Variants in WDR7 observed in about 807,000 individuals in gnomAD.
WDR7 encodes WD repeat domain 7.
A neutral mutation model predicts 169.4 loss-of-function variants in WDR7; 46 were observed. That is an observed-to-expected ratio of 0.27 (90% CI 0.21 to 0.35). The LOEUF (loss-of-function observed/expected upper bound fraction) is 0.35. Ranked by LOEUF, WDR7 falls within the 10% of genes least tolerant of loss-of-function variation. The probability of loss-of-function intolerance (pLI) is 1.00; values close to 1 mark genes in which losing one functional copy is unlikely to be tolerated. For synonymous variants in WDR7, 612 were observed against 666.8 expected, an observed-to-expected ratio of 0.92 and a Z score of 1.27; for missense variants, 1,534 against 1,859.3, an observed-to-expected ratio of 0.83 and a Z score of 3.22.
At chr18:56,970,011 T>G (rs2047461145) in intron 26 of WDR7, among the ~76,000 whole-genome samples, 2 of 152,190 alleles carry the variant, frequency 1.3e-5, no homozygotes. Flanking sequence ...ACTCCTGTAC[T>G]TCTTTATTCA....
intron 13 of WDR7, among the ~76,000 whole-genome samples, chr18:56,729,189 A>G (rs554536510): frequency 8.9e-4 from 135 of 152,200 alleles, no homozygotes; most frequent in Non-Finnish European, 1.5e-3. Context: ...TAAGAGCTAG[A>G]GCAGTAAATT....
chr18:56,700,987 A>C (rs1393292907), intron 12 of WDR7, among the ~76,000 whole-genome samples: 1 of 152,216 alleles, frequency 6.6e-6, no homozygotes, highest in African/African-American at 2.4e-5. Context: ...AAAATGTAAG[A>C]AAATTAAAAA....
intron 12 of WDR7, among the ~76,000 whole-genome samples, chr18:56,713,065 T>C (rs2026118494): frequency 6.6e-6 from 1 of 152,156 alleles, no homozygotes; most frequent in Non-Finnish European, 1.5e-5. Flanking sequence ...TTATATTATA[T>C]AGTTCTAAAC....
intron 20 of WDR7, among the ~76,000 whole-genome samples, chr18:56,835,729 T>C (rs1368617691): frequency 2.6e-5 from 4 of 152,242 alleles, no homozygotes; most frequent in South Asian, 2.1e-4. Context: ...TTAAAACTTA[T>C]GTCTTATGTT....
chr18:56,895,599 A>G (rs1431754571), intron 21 of WDR7, among the ~76,000 whole-genome samples: 2 of 151,898 alleles, frequency 1.3e-5, no homozygotes, highest in African/African-American at 2.4e-5. Flanking sequence ...GAAATTGCAT[A>G]GCTAAGAATA....
At chr18:56,961,852 A>C (rs1173488221) in intron 25 of WDR7, among the ~76,000 whole-genome samples, 1 of 152,164 alleles carries the variant, frequency 6.6e-6, no homozygotes, top group Non-Finnish European at 1.5e-5. Context: ...GGAACTTGAC[A>C]GGATAACTTT....
At chr18:56,928,673 T>C (rs939570535) in intron 22 of WDR7, among the ~76,000 whole-genome samples, 5 of 152,192 alleles carry the variant, frequency 3.3e-5, no homozygotes, top group African/African-American at 1.2e-4. Flanking sequence ...GCTTACTACC[T>C]ATGAGCTTCT....
rs149566791 is a variant in WDR7 at position 56,975,652 on chromosome 18, T to C, written c.4164+13123T>C. ...TTTTGATAGTACCATCCCAGAAATA[T>C]TTTTCTTTTTAATTCTACCGTCTGT... On this transcript the variant is annotated intron_variant, in intron 26 of 27. Transcript: ENST00000254442. Among the ~76,000 whole-genome samples the C allele has an allele frequency of 6.6e-5, 10 of 152,224 alleles. No individual in the cohort carries two copies. The East Asian group carries it at 1.9e-3, about 29-fold the overall frequency.
At chr18:56,687,251 C>A (rs2025461449) in intron 7 of WDR7, among the ~76,000 whole-genome samples, 1 of 152,076 alleles carries the variant, frequency 6.6e-6, no homozygotes, top group Non-Finnish European at 1.5e-5. Flanking sequence ...CTTATCAGTA[C>A]AATATAAGCA....
At chr18:56,910,100 C>T (rs2046532772) in intron 21 of WDR7, among the ~76,000 whole-genome samples, 1 of 152,126 alleles carries the variant, frequency 6.6e-6, no homozygotes. Flanking sequence ...TTCCTTCAAA[C>T]TTACATAATA....
chr18:56,894,247 T>A (rs1486789007), intron 21 of WDR7, among the ~76,000 whole-genome samples: 1 of 152,088 alleles, frequency 6.6e-6, no homozygotes, highest in Non-Finnish European at 1.5e-5. Context: ...GTCGTGGTAG[T>A]GATTCTTTAA....
the WDR7 span, chr18:57,035,789 T>G: frequency 6.6e-6 from 1 of 152,230 alleles, no homozygotes; most frequent in East Asian, 1.9e-4. Flanking sequence ...TGCAGAGATC[T>G]TTGGATCTAA....
chr18:56,869,694 TAGG>T (rs2045928046), intron 20 of WDR7, among the ~76,000 whole-genome samples: 1 of 152,164 alleles, frequency 6.6e-6, no homozygotes, highest in East Asian at 1.9e-4. Context: ...ATTTTCTTGA[TAGG>T]AGGCAAAGAA....
At chr18:56,934,346 C>T (rs1441501843) in intron 22 of WDR7, among the ~76,000 whole-genome samples, 2 of 152,136 alleles carry the variant, frequency 1.3e-5, no homozygotes, top group East Asian at 1.9e-4. Flanking sequence ...CTTGCTTTCT[C>T]GCAAAACACC....
chr18:56,933,617 C>T (rs923540988), intron 22 of WDR7, among the ~76,000 whole-genome samples: 1 of 152,198 alleles, frequency 6.6e-6, no homozygotes, highest in African/African-American at 2.4e-5. Flanking sequence ...CATCCAAAGC[C>T]ACTGAGTTTA....
chr18:56,971,153 T>G (rs988416848), intron 26 of WDR7, among the ~76,000 whole-genome samples: 1 of 151,880 alleles, frequency 6.6e-6, no homozygotes, highest in East Asian at 1.9e-4. Flanking sequence ...GTGCCTGTAA[T>G]CCCAGCTACT....
chr18:56,936,111 T>C, intron 23 of WDR7: 1 of 484,148 alleles, frequency 2.1e-6, no homozygotes, highest in Non-Finnish European at 3.6e-6. Flanking sequence ...TCTGCTTCTG[T>C]ATTCATTTCT....
chr18:56,924,118 G>T lies in WDR7; in HGVS notation c.3713+10G>T. 1 of 1,608,946 alleles carries T rather than the reference G, an allele frequency of 6.2e-7. No homozygotes were observed. Among genetic ancestry groups the T allele is most frequent in the South Asian group, 1.1e-5 (1 of 89,242 alleles). ...AGAAACAACTTGCCAAGTATGTGTG[G>T]ATTCCGGTTAATTTAATTTGTCACT... On this transcript the variant is annotated intron_variant, in intron 22 of 27. Transcript: ENST00000254442.
chr18:56,891,103 A>G (rs1448585758), intron 21 of WDR7, among the ~76,000 whole-genome samples: 4 of 152,170 alleles, frequency 2.6e-5, no homozygotes. Flanking sequence ...GTTATTTTAA[A>G]TTGAGTATTT....
Sources: gnomAD v4.1 joint callset for allele counts (sites outside exome capture counted in the v4.1 genomes callset) on GRCh38, gnomAD v4.1.1 for gene constraint, MANE v1.5 for transcripts, NCBI Gene and HGNC (gene_info 2026-07-23, HGNC 2026-07-21) for gene names.